ARMH3: variants seen among roughly 807,000 people sequenced by gnomAD.
ARMH3 encodes the protein armadillo-like helical domain-containing protein 3.
ARMH3 carries 60 observed loss-of-function variants against 99.1 expected under a neutral mutation model. The ratio of observed to expected loss-of-function variants is 0.61; its 90% confidence interval spans 0.49 to 0.75. The LOEUF (loss-of-function observed/expected upper bound fraction) is 0.75, where lower values mean the gene tolerates loss of function less well. ARMH3 is among the 30% of genes least tolerant of loss of function. ARMH3 has a pLI of 0.00. For missense variants in ARMH3, 679 were observed against 843.1 expected, an observed-to-expected ratio of 0.81 and a Z score of 2.41; for synonymous variants, 285 against 292.8, an observed-to-expected ratio of 0.97 and a Z score of 0.27.
intron 4 of ARMH3, among the ~76,000 whole-genome samples, chr10:102,030,859 C>T (rs2067114322): frequency 6.6e-6 from 1 of 152,122 alleles, no homozygotes; most frequent in Non-Finnish European, 1.5e-5. Flanking sequence ...GATCCCGCCT[C>T]ACTGCAACCT....
chr10:101,872,775 T>C (rs1291190143), intron 24 of ARMH3, among the ~76,000 whole-genome samples: 1 of 151,774 alleles, frequency 6.6e-6, no homozygotes, highest in Non-Finnish European at 1.5e-5. Flanking sequence ...CTGGCCAACA[T>C]GGTGAAACCC....
At chr10:102,015,616 C>G (rs1325166403) in intron 8 of ARMH3, among the ~76,000 whole-genome samples, 1 of 152,214 alleles carries the variant, frequency 6.6e-6, no homozygotes, top group African/African-American at 2.4e-5. Context: ...TCTCAAACTC[C>G]TGACCTCAGG....
intron 21 of ARMH3, 118 bp from the exon 22 acceptor site, chr10:101,956,841 A>C: frequency 9.4e-7 from 1 of 1,063,588 alleles, no homozygotes; most frequent in Non-Finnish European, 1.2e-6. Context: ...AATTTTCAGG[A>C]ATTTTGTAAG....
chr10:101,852,114 C>G (rs1224076135), intron 24 of ARMH3, among the ~76,000 whole-genome samples: 2 of 152,230 alleles, frequency 1.3e-5, no homozygotes, highest in Non-Finnish European at 2.9e-5. Flanking sequence ...TGGGGAGCCT[C>G]AGCAATGCTT....
Position 101,960,117 on chromosome 10 carries a change from G to A in ARMH3, c.1496-2385C>T, listed in dbSNP as rs537970766. 2.1e-3 allele frequency among the ~76,000 whole-genome samples: 319 copies of A among 152,212 alleles called. 1 individual carries two copies. The highest frequency in any genetic ancestry group is 7.3e-3 in the African/African-American group (305 of 41,534). On this transcript the variant is annotated intron_variant, in intron 20 of 25. Coordinates refer to ENST00000370033, the MANE Select transcript of ARMH3 (RefSeq NM_024541.3). Reference sequence around the variant, plus strand: ...TGCTTAAACCCGGGAGGCGGAGGCTGCAGTGAGCCGAGATCGCACCACTGC... The same window carrying A: ...TGCTTAAACCCGGGAGGCGGAGGCTACAGTGAGCCGAGATCGCACCACTGC...
chr10:101,858,652 T>C lies in ARMH3; in HGVS notation c.1861-8760A>G, dbSNP rs545357138. On this transcript the variant is annotated intron_variant, in intron 24 of 25. Transcript: ENST00000370033. ...TGGAAGACATTTGCATTCTACAGGT[T>C]TCCCAATGAGGGATTTCCTGTGGAG... Among the ~76,000 whole-genome samples, 158 of 152,326 alleles carry C rather than the reference T, an allele frequency of 1.0e-3. 1 individual carries two copies. The highest frequency in any genetic ancestry group is 3.7e-3 in the African/African-American group (152 of 41,578).
intron 15 of ARMH3, among the ~76,000 whole-genome samples, chr10:101,999,764 A>G (rs11191174): frequency 0.56 from 84,443 of 152,028 alleles, 23,657 homozygotes; most frequent in East Asian, 0.76. Flanking sequence ...GTAAAGCAGA[A>G]TCATGATGTC....
chr10:101,849,710 A>G (rs2135252777), intron 25 of ARMH3, 66 bp downstream of exon 25: 5 of 1,356,880 alleles, frequency 3.7e-6, no homozygotes, highest in African/African-American at 1.4e-5. Flanking sequence ...AACTGCAGAT[A>G]AACTGCAGAA....
Position 101,966,894 on chromosome 10 carries a change from C to G in ARMH3, c.1495+8318G>C, listed in dbSNP as rs75010625. 9.4e-3 allele frequency among the ~76,000 whole-genome samples: 1,429 copies of G among 152,128 alleles called. 18 individuals carry two copies. Among genetic ancestry groups the G allele is most frequent in the African/African-American group, 0.033 (1,355 of 41,492 alleles). On this transcript the variant is annotated intron_variant, in intron 20 of 25. Transcript: ENST00000370033. ...GACACAATTAAGTGGTAGCTCAGGC[C>G]TCTGCCTCAAAAAAGGAGAGGGGAG...
At chr10:102,000,109 A>G (rs931202477) in intron 15 of ARMH3, among the ~76,000 whole-genome samples, 39 of 152,270 alleles carry the variant, frequency 2.6e-4, no homozygotes, top group African/African-American at 7.0e-4. Context: ...ATAAAATAAA[A>G]TGATTCAGCC....
At chr10:102,033,496 C>A in intron 2 of ARMH3, 157 bp from the exon 3 acceptor site, 1 of 756,714 alleles carries the variant, frequency 1.3e-6, no homozygotes. Flanking sequence ...CGGCTCACTG[C>A]AGGCTCCGCC....
intron 4 of ARMH3, among the ~76,000 whole-genome samples, chr10:102,031,580 T>C (rs556995712): frequency 2.1e-4 from 32 of 152,334 alleles, no homozygotes; most frequent in African/African-American, 7.0e-4. Flanking sequence ...ATAAACATGG[T>C]CCATCTTTCT....
chr10:101,946,071 CAAAAAAAAAAAAAA>C lies in ARMH3; in HGVS notation c.1706-6147_1706-6134del, dbSNP rs569179050. Among the ~76,000 whole-genome samples, 36 of 34,486 alleles carry C rather than the reference CAAAAAAAAAAAAAA, an allele frequency of 1.0e-3. 1 individual carries two copies. Among genetic ancestry groups the C allele is most frequent in the African/African-American group, 2.4e-3 (10 of 4,176 alleles). The allele number at this position is 34,486 out of a possible 152,430, so 22.6% of individuals were successfully genotyped here. Reference sequence around the variant, plus strand: ...TGGGCGACAGAGTAAGACTCTGCCTCAAAAAAAAAAAAAAAAAAAAAAAAAAAAAAAAGTCCAGG... The same window carrying C: ...TGGGCGACAGAGTAAGACTCTGCCTCAAAAAAAAAAAAAAAAAAGTCCAGG... On this transcript the variant is annotated intron_variant, in intron 22 of 25. Coordinates refer to ENST00000370033, the MANE Select transcript of ARMH3 (RefSeq NM_024541.3).
chr10:101,863,040 C>A (rs1371933673), intron 24 of ARMH3, among the ~76,000 whole-genome samples: 1 of 151,900 alleles, frequency 6.6e-6, no homozygotes, highest in Non-Finnish European at 1.5e-5. Flanking sequence ...CCTGTCTCTA[C>A]TAAAATTACA....
At chr10:102,050,544 A>ATTT (rs2067675846) in intron 1 of ARMH3, among the ~76,000 whole-genome samples, 1 of 152,168 alleles carries the variant, frequency 6.6e-6, no homozygotes, top group Non-Finnish European at 1.5e-5. Flanking sequence ...GACATCCATA[A>ATTT]TATCAACACT....
rs1479745910 is a variant in ARMH3 at position 101,956,625 on chromosome 10, G to A, written c.1677C>T (p.His559=). 29 of 1,613,644 alleles carry A rather than the reference G, an allele frequency of 1.8e-5. No homozygotes were observed. The highest frequency in any genetic ancestry group is 2.5e-5 in the Non-Finnish European group (29 of 1,179,602). Reference sequence around the variant, plus strand: ...TGGAGTAGAGGTTGTCAAAGCTCTGGTGCATGCGGATAATCTCATAGTAAA... The same window carrying A: ...TGGAGTAGAGGTTGTCAAAGCTCTGATGCATGCGGATAATCTCATAGTAAA... ...DELYYEIIRM[H]QSFDNLYSMV... is the part of the protein sequence containing the mutation. The change falls in exon 22 of 26, where the codon CAC becomes CAT. Residue 559 remains histidine, a synonymous_variant. Coordinates refer to ENST00000370033, the MANE Select transcript of ARMH3 (RefSeq NM_024541.3).
intron 20 of ARMH3, among the ~76,000 whole-genome samples, chr10:101,960,807 T>C (rs1845262549): frequency 1.3e-5 from 2 of 151,044 alleles, no homozygotes; most frequent in Admixed American, 1.3e-4. Flanking sequence ...GGAGAATCGC[T>C]TGAACCTGGA....
chr10:101,984,527 C>G (rs1846372624), intron 19 of ARMH3, among the ~76,000 whole-genome samples: 1 of 151,972 alleles, frequency 6.6e-6, no homozygotes, highest in African/African-American at 2.4e-5. Flanking sequence ...TCTGGACGGC[C>G]TATATTTGGC....
At position 101,874,998 on chromosome 10, in the gene ARMH3, AT is replaced by A. The variant is rs138002527; in HGVS notation, c.1860+14413del. On this transcript the variant is annotated intron_variant, in intron 24 of 25. Coordinates refer to ENST00000370033, the MANE Select transcript of ARMH3 (RefSeq NM_024541.3). ...CTCCATGAAGGCCTCAAGGGCAGGT[AT>A]GGTTTTTGCATTTTTGTAGCCCCTG... 9.3e-3 allele frequency among the ~76,000 whole-genome samples: 1,419 copies of A among 152,274 alleles called. 18 individuals are homozygous for A. Among genetic ancestry groups the A allele is most frequent in the African/African-American group, 0.032 (1,347 of 41,552 alleles).
Sources: gnomAD v4.1 joint callset for allele counts (sites outside exome capture counted in the v4.1 genomes callset) on GRCh38, gnomAD v4.1.1 for gene constraint, MANE v1.5 for transcripts, NCBI Gene and HGNC (gene_info 2026-07-23, HGNC 2026-07-21) for gene names.